Variants in ZNF438 observed in about 807,000 individuals in gnomAD.
ZNF438 encodes zinc finger protein 438.
In ZNF438, 25 loss-of-function variants were observed where a neutral mutation model predicts 38.0. That is an observed-to-expected ratio of 0.66 (90% CI 0.48 to 0.92). The LOEUF (loss-of-function observed/expected upper bound fraction) is 0.92, where lower values mean the gene tolerates loss of function less well. Among genes scored for constraint, ZNF438 ranks in the 40% least tolerant of loss-of-function variants. The pLI is 0.00. For synonymous variants in ZNF438, 372 were observed against 364.1 expected (o/e 1.02, Z -0.25); for missense variants, 1,007 against 999.6 (o/e 1.01, Z -0.10).
exon 6 of ZNF438, chr10:30,845,141 G>C: frequency 6.2e-7 from 1 of 1,614,226 alleles, no homozygotes; most frequent in Non-Finnish European, 8.5e-7. Flanking sequence ...GGGACCACAA[G>C]AGAAACGTGT....
intron 1 of ZNF438, among the ~76,000 whole-genome samples, chr10:31,003,369 T>C (rs906730800): frequency 1.1e-4 from 16 of 152,264 alleles, no homozygotes; most frequent in Non-Finnish European, 1.5e-4. Flanking sequence ...ACAGGTAGTA[T>C]TGGATGTCTT....
rs1053541800 is a variant in ZNF438, at chr10:30,892,610, A to G, written c.-31-15545T>C. 3.9e-5 allele frequency among the ~76,000 whole-genome samples: 6 copies of G among 152,264 alleles called. No homozygotes were observed. The South Asian group carries it at 1.0e-3, about 26-fold the overall frequency. On this transcript the variant is annotated intron_variant, in intron 3 of 5. Coordinates refer to ENST00000413025, the Ensembl canonical transcript of ZNF438. The stretch of plus-strand genomic sequence containing the variant: ...AAAAAAAAAGTTCAAGCACTAAAAA[A>G]AAGAGAATAAATTGAAAAATAAGTC...
chr10:30,975,037 G>A (rs1368808512), intron 1 of ZNF438, among the ~76,000 whole-genome samples: 1 of 152,018 alleles, frequency 6.6e-6, no homozygotes, highest in Non-Finnish European at 1.5e-5. Flanking sequence ...TGGTAGTCTA[G>A]CTACATAATC....
Position 30,970,129 on chromosome 10 carries a change from CACACACACACACACATAT to C in ZNF438, c.-191-28496_-191-28479del, listed in dbSNP as rs2050582500. On this transcript the variant is annotated intron_variant, in intron 1 of 5. Coordinates refer to ENST00000413025, the Ensembl canonical transcript of ZNF438. Reference sequence around the variant, plus strand: ...ATACACACACACACACACACACACACACACACACACACACATATACACACACACACATATATTAGGCCT... The same window carrying C: ...ATACACACACACACACACACACACACACACACACACACATATATTAGGCCT... Among the ~76,000 whole-genome samples, 4 of 151,656 alleles carry C rather than the reference CACACACACACACACATAT, an allele frequency of 2.6e-5. No homozygotes were observed. The East Asian group carries it at 5.8e-4, about 22-fold the overall frequency.
At chr10:30,898,189 A>G (rs936026042) in intron 3 of ZNF438, among the ~76,000 whole-genome samples, 4 of 152,156 alleles carry the variant, frequency 2.6e-5, no homozygotes, top group Admixed American at 2.0e-4. Context: ...GGAAAGAAAA[A>G]TGACTTTCTA....
exon 5 of ZNF438, chr10:30,849,162 C>T: frequency 6.2e-7 from 1 of 1,613,870 alleles, no homozygotes; most frequent in South Asian, 1.1e-5. Context: ...TCATTTTTTA[C>T]TCTTTCTTTA....
chr10:30,994,264 G>C (rs1042268704), intron 1 of ZNF438, among the ~76,000 whole-genome samples: 1 of 152,208 alleles, frequency 6.6e-6, no homozygotes, highest in African/African-American at 2.4e-5. Context: ...TGGGTGCCCA[G>C]GGTGGAATGC....
intron 3 of ZNF438, among the ~76,000 whole-genome samples, chr10:30,894,927 G>T (rs1206825714): frequency 6.6e-6 from 1 of 152,140 alleles, no homozygotes; most frequent in Non-Finnish European, 1.5e-5. Context: ...TTTAGGTTGG[G>T]ATAAAGTTAA....
intron 3 of ZNF438, among the ~76,000 whole-genome samples, chr10:30,887,997 T>C (rs989704479): frequency 6.6e-6 from 1 of 152,202 alleles, no homozygotes; most frequent in Non-Finnish European, 1.5e-5. Flanking sequence ...TCATATTCCA[T>C]TATATGAATA....
In ZNF438 at chr10:30,849,855, G is replaced by A; in HGVS notation, c.550C>T (p.Gln184Ter). ...GCTGTGCTAATGCTGGCTGGGGCTT[G>A]CTCTAGTGATGGTACTTCCTCAAAT... The change falls in exon 5 of 6, where the codon CAA becomes TAA. Residue 184 changes from glutamine (Q) to a stop codon, truncating the protein, a stop_gained. Transcript: ENST00000413025. LOFTEE classifies it high-confidence loss of function. The A allele has an allele frequency of 6.2e-7, 1 of 1,614,160 alleles. No homozygotes were observed. Among genetic ancestry groups the A allele is most frequent in the Non-Finnish European group, 8.5e-7 (1 of 1,180,036 alleles).
At chr10:30,876,748 G>A (rs923111737) in intron 4 of ZNF438, among the ~76,000 whole-genome samples, 1 of 152,176 alleles carries the variant, frequency 6.6e-6, no homozygotes, top group African/African-American at 2.4e-5. Context: ...GGCTCTGTGA[G>A]TTTTGGGTGG....
intron 1 of ZNF438, among the ~76,000 whole-genome samples, chr10:30,992,314 T>G (rs1299551288): frequency 6.6e-6 from 1 of 152,088 alleles, no homozygotes; most frequent in Admixed American, 6.5e-5. Context: ...GCTGGAAGAC[T>G]GTGGAGGAGC....
At chr10:30,897,875 G>C (rs1422124204) in intron 3 of ZNF438, among the ~76,000 whole-genome samples, 5 of 152,200 alleles carry the variant, frequency 3.3e-5, no homozygotes, top group Non-Finnish European at 7.4e-5. Context: ...GACAGAGATT[G>C]TTCACCTCCA....
intron 3 of ZNF438, among the ~76,000 whole-genome samples, chr10:30,900,755 GT>G (rs2041882882): frequency 1.3e-5 from 2 of 152,066 alleles, no homozygotes; most frequent in Non-Finnish European, 2.9e-5. Flanking sequence ...ACAACAGAAG[GT>G]AAGTACACAT....
intron 3 of ZNF438, among the ~76,000 whole-genome samples, chr10:30,899,655 C>T (rs2041760284): frequency 1.3e-5 from 2 of 151,496 alleles, no homozygotes; most frequent in South Asian, 2.1e-4. Context: ...CTCCTCCCCA[C>T]CCCCCCACAC....
chr10:30,850,447 T>G (rs759770077), intron 4 of ZNF438, 80 bp from the exon 6 acceptor site: 108 of 1,488,422 alleles, frequency 7.3e-5, no homozygotes, highest in Middle Eastern at 3.9e-4. Context: ...GCATCTTATT[T>G]ACTCTGCCCA....
At chr10:30,856,644 CA>C (rs1189387278) in intron 4 of ZNF438, among the ~76,000 whole-genome samples, 5 of 152,066 alleles carry the variant, frequency 3.3e-5, no homozygotes, top group African/African-American at 1.2e-4. Context: ...TAAAAATTTC[CA>C]CTGACATTCA....
intron 3 of ZNF438, among the ~76,000 whole-genome samples, chr10:30,893,872 G>C (rs1454825501): frequency 6.6e-6 from 1 of 152,140 alleles, no homozygotes; most frequent in Non-Finnish European, 1.5e-5. Flanking sequence ...CTTATCCTCT[G>C]GGAAGGAAGG....
At chr10:30,847,490 T>A (rs1047600464) in intron 5 of ZNF438, among the ~76,000 whole-genome samples, 6 of 152,144 alleles carry the variant, frequency 3.9e-5, no homozygotes, top group African/African-American at 1.4e-4. Flanking sequence ...ACCCTCTACT[T>A]CTCTGTGTAC....
Sources: gnomAD v4.1 joint callset for allele counts (sites outside exome capture counted in the v4.1 genomes callset) on GRCh38, gnomAD v4.1.1 for gene constraint, MANE v1.5 for transcripts, NCBI Gene and HGNC (gene_info 2026-07-23, HGNC 2026-07-21) for gene names.